Variants in TET2 observed in about 807,000 individuals in gnomAD.
The protein encoded by TET2 is methylcytosine dioxygenase TET2.
A neutral mutation model predicts 142.9 loss-of-function variants in TET2; 299 were observed. The ratio of observed to expected loss-of-function variants is 2.09; its 90% confidence interval spans 1.90 to 2.30. The LOEUF (loss-of-function observed/expected upper bound fraction) is 2.30, where lower values mean the gene tolerates loss of function less well. Ranked by LOEUF, TET2 falls within the 30% of genes most tolerant of loss-of-function variation. The probability of loss-of-function intolerance (pLI) is 0.00; values close to 1 mark genes in which losing one functional copy is unlikely to be tolerated. For synonymous variants in TET2, 819 were observed against 849.0 expected, an observed-to-expected ratio of 0.96 and a Z score of 0.61; for missense variants, 2,418 against 2,378.0, an observed-to-expected ratio of 1.02 and a Z score of -0.35.
intron 1 of TET2, chr4:105,172,444 A>G (rs1724525723): frequency 6.6e-6 from 1 of 152,236 alleles, no homozygotes; most frequent in Non-Finnish European, 1.5e-5. Context: ...AGATCATCAT[A>G]AAGATCTTCA....
Position 105,275,706 on chromosome 4 carries a change from C to G in TET2, c.5196C>G (p.His1732Gln), listed in dbSNP as rs1731182222. The change falls in exon 11 of 11, where the codon CAC becomes CAG. Residue 1732 changes from histidine (H) to glutamine (Q), a missense_variant. Coordinates refer to ENST00000380013, the MANE Select transcript of TET2 (RefSeq NM_001127208.3). The stretch of plus-strand genomic sequence containing the variant: ...ATCCCACTCATGAGATGGATGGCCA[C>G]TTCATGGGAGCCACCTCTAGATTAC... ...PPYPTHEMDG[H>Q]FMGATSRLPP... is the part of the protein sequence containing the mutation. 1 of 1,551,752 alleles carries G rather than the reference C, an allele frequency of 6.4e-7. No individual in the cohort carries two copies. Among genetic ancestry groups the G allele is most frequent in the African/African-American group, 1.4e-5 (1 of 73,154 alleles).
Position 105,234,223 on chromosome 4 carries a change from T to C in TET2, c.281T>C (p.Ile94Thr). 1 of 1,614,120 alleles carries C rather than the reference T, an allele frequency of 6.2e-7. No homozygotes were observed. The highest frequency in any genetic ancestry group is 8.5e-7 in the Non-Finnish European group (1 of 1,180,016). ...GYSKCLQNGG[I>T]KRTVSEPSLS... Reference sequence around the variant, plus strand: ...TCCAAGTGTTTGCAAAATGGAGGAATAAAACGCACAGTTAGTGAACCTTCT... The same window carrying C: ...TCCAAGTGTTTGCAAAATGGAGGAACAAAACGCACAGTTAGTGAACCTTCT... Residue 94 changes from isoleucine (I) to threonine (T), a missense_variant, in exon 3 of 11, where the codon ATA becomes ACA. Physicochemically the swap from Ile to Thr is moderately conservative, Grantham distance 89. Transcript: ENST00000380013.
chr4:105,215,730 T>C (rs1396921611), intron 2 of TET2, among the ~76,000 whole-genome samples: 1 of 152,148 alleles, frequency 6.6e-6, no homozygotes, highest in Non-Finnish European at 1.5e-5. Context: ...TGCAGTGATT[T>C]TACCATCTCT....
chr4:105,165,798 T>G (rs1724122091), intron 1 of TET2, among the ~76,000 whole-genome samples: 1 of 152,218 alleles, frequency 6.6e-6, no homozygotes, highest in Admixed American at 6.5e-5. Flanking sequence ...TCAAAATGTA[T>G]AGGAGCATGG....
At chr4:105,215,271 A>T (rs1023112993) in intron 2 of TET2, among the ~76,000 whole-genome samples, 4 of 152,130 alleles carry the variant, frequency 2.6e-5, no homozygotes, top group African/African-American at 9.7e-5. Context: ...CTTTTTATAA[A>T]ATCTAATTTT....
intron 1 of TET2, among the ~76,000 whole-genome samples, chr4:105,184,570 A>C (rs181310962): frequency 6.6e-6 from 1 of 152,186 alleles, no homozygotes; most frequent in Non-Finnish European, 1.5e-5. Flanking sequence ...AATACATTTA[A>C]GGTCTTTAAT....
intron 1 of TET2, among the ~76,000 whole-genome samples, chr4:105,158,423 A>C (rs1283101981): frequency 6.6e-6 from 1 of 152,212 alleles, no homozygotes; most frequent in Non-Finnish European, 1.5e-5. Flanking sequence ...CCCATTGTAA[A>C]AGATATAATG....
At chr4:105,238,033 T>C in intron 3 of TET2, 1 of 625,540 alleles carries the variant, frequency 1.6e-6, no homozygotes, top group Non-Finnish European at 2.1e-6. Context: ...AAAATGAATA[T>C]TACAATAAAG....
At chr4:105,260,131 G>A (rs529601145) in intron 7 of TET2, among the ~76,000 whole-genome samples, 80 of 149,262 alleles carry the variant, frequency 5.4e-4, no homozygotes, top group African/African-American at 1.9e-3. Flanking sequence ...ACATTTATGT[G>A]CAATGAGATT....
intron 2 of TET2, among the ~76,000 whole-genome samples, chr4:105,198,824 A>G (rs187736505): frequency 6.0e-4 from 91 of 152,358 alleles, no homozygotes; most frequent in African/African-American, 2.1e-3. Flanking sequence ...GGAGTCGAGT[A>G]GTCAGAACTT....
chr4:105,219,853 C>T (rs898114181), intron 2 of TET2, among the ~76,000 whole-genome samples: 7 of 152,056 alleles, frequency 4.6e-5, no homozygotes, highest in Non-Finnish European at 7.4e-5. Flanking sequence ...AACCACTCCC[C>T]GATACTCTTG....
chr4:105,165,237 G>A (rs181187553), intron 1 of TET2, among the ~76,000 whole-genome samples: 8 of 152,074 alleles, frequency 5.3e-5, no homozygotes, highest in Non-Finnish European at 7.4e-5. Context: ...TTAGCCAGGC[G>A]TGGTGGTGGG....
Position 105,236,966 on chromosome 4 carries a change from G to C in TET2, c.3024G>C (p.Lys1008Asn). 4 of 1,614,078 alleles carry C rather than the reference G, an allele frequency of 2.5e-6. No individual in the cohort carries two copies. The highest frequency in any genetic ancestry group is 3.4e-6 in the Non-Finnish European group (4 of 1,180,012). ...PENKTWKKVT[K>N]QENPPASCDN... is the part of the protein sequence containing the mutation. ...ACAAAACATGGAAAAAGGTAACTAA[G>C]CAAGAGAATCCACCTGCAAGCTGTG... The change falls in exon 3 of 11, where the codon AAG becomes AAC. Residue 1008 changes from lysine (K) to asparagine (N), a missense_variant. Transcript: ENST00000380013.
chr4:105,242,922 A>G lies in TET2; in HGVS notation c.3589A>G (p.Lys1197Glu), dbSNP rs1231721810. 5.2e-6 allele frequency: 8 copies of G among 1,550,296 alleles called. No individual in the cohort carries two copies. The highest frequency in any genetic ancestry group is 2.4e-5 in the East Asian group (1 of 40,842). Residue 1197 changes from lysine to glutamate, a missense_variant, in exon 5 of 11, where the codon AAG becomes GAG. Lys to Glu is a moderately conservative substitution (Grantham distance 56). Transcript: ENST00000380013. ...GKSSQGCPIA[K>E]WVVRRSSSEE... ...AAGTTCTCAGGGATGTCCTATTGCT[A>G]AGTGGGTAAGTGTGACTTGATAAAG...
At chr4:105,212,816 CCT>C (rs1727251420) in intron 2 of TET2, among the ~76,000 whole-genome samples, 1 of 152,022 alleles carries the variant, frequency 6.6e-6, no homozygotes, top group African/African-American at 2.4e-5. Context: ...ATGGTGAAAC[CCT>C]GTCTCTACTA....
intron 6 of TET2, among the ~76,000 whole-genome samples, chr4:105,247,479 C>G (rs887588762): frequency 6.6e-6 from 1 of 152,128 alleles, no homozygotes; most frequent in African/African-American, 2.4e-5. Flanking sequence ...TCATAAAATT[C>G]TCTCCATTTA....
chr4:105,190,633 C>T (rs1725731441), intron 2 of TET2, 128 bp downstream of exon 2: 1 of 609,008 alleles, frequency 1.6e-6, no homozygotes, highest in South Asian at 2.0e-5. Context: ...TCTTTATTGT[C>T]TATGCTTAGG....
chr4:105,234,231 A>G lies in TET2; in HGVS notation c.289A>G (p.Thr97Ala). ...KCLQNGGIKR[T>A]VSEPSLSGLL... ...TTTGCAAAATGGAGGAATAAAACGC[A>G]CAGTTAGTGAACCTTCTCTCTCTGG... Residue 97 changes from threonine (T) to alanine (A), a missense_variant, in exon 3 of 11, where the codon ACA becomes GCA. Coordinates refer to ENST00000380013, the MANE Select transcript of TET2 (RefSeq NM_001127208.3). 2.5e-6 allele frequency: 4 copies of G among 1,614,176 alleles called. No homozygotes were observed. The highest frequency in any genetic ancestry group is 3.4e-6 in the Non-Finnish European group (4 of 1,180,018).
At chr4:105,266,640 A>G (rs1184397602) in intron 8 of TET2, among the ~76,000 whole-genome samples, 1 of 152,126 alleles carries the variant, frequency 6.6e-6, no homozygotes, top group African/African-American at 2.4e-5. Context: ...ATATATATCT[A>G]GATTAAAAAT....
Sources: allele counts gnomAD v4.1 joint callset (sites outside exome capture counted in the v4.1 genomes callset), GRCh38; gene constraint gnomAD v4.1.1; transcripts MANE v1.5; gene names NCBI Gene and HGNC (gene_info 2026-07-23, HGNC 2026-07-21).